The following LIMA1 variants were observed in gnomAD, a reference collection of about 807,000 sequenced individuals.
LIMA1 encodes the protein LIM domain and actin-binding protein 1.
LIMA1 carries 52 observed loss-of-function variants against 62.6 expected under a neutral mutation model. That is an observed-to-expected ratio of 0.83 (90% confidence interval 0.67 to 1.05). The LOEUF (loss-of-function observed/expected upper bound fraction) is 1.05. LIMA1 is among the 50% of genes least tolerant of loss of function. The probability of loss-of-function intolerance (pLI) is 0.00; values close to 1 mark genes in which losing one functional copy is unlikely to be tolerated. For synonymous variants in LIMA1, 302 were observed against 317.8 expected, an observed-to-expected ratio of 0.95 and a Z score of 0.53; for missense variants, 780 against 902.2, an observed-to-expected ratio of 0.86 and a Z score of 1.74.
At chr12:50,237,980 G>A (rs1248575437) in intron 2 of LIMA1, among the ~76,000 whole-genome samples, 1 of 152,192 alleles carries the variant, frequency 6.6e-6, no homozygotes, top group African/African-American at 2.4e-5. Context: ...AAAACTCTTG[G>A]TTGAAACATA....
chr12:50,252,100 C>T lies in LIMA1; in HGVS notation c.-23-3326G>A, dbSNP rs144043625. ...AGACAGAATGTGGTTAGAGGCTATGCGTGGTGTAGGAATACAAGACCTGAT... is the reference window on the plus strand; with the variant it reads ...AGACAGAATGTGGTTAGAGGCTATGTGTGGTGTAGGAATACAAGACCTGAT... On this transcript the variant is annotated intron_variant, in intron 1 of 10. Transcript: ENST00000341247. Among the ~76,000 whole-genome samples, 11 of 152,086 alleles carry T rather than the reference C, an allele frequency of 7.2e-5. No homozygotes were observed. The East Asian group carries it at 1.9e-3, about 27-fold the overall frequency.
chr12:50,249,288 G>A (rs572914636), intron 1 of LIMA1, among the ~76,000 whole-genome samples: 5 of 152,108 alleles, frequency 3.3e-5, no homozygotes, highest in South Asian at 4.1e-4. Flanking sequence ...GACAGACTTC[G>A]GGGAAATCCT....
In LIMA1 at chr12:50,176,888, GTTTT is replaced by G. The variant is rs1165729693; in HGVS notation, c.*172_*175del. The stretch of plus-strand genomic sequence containing the variant: ...AAGTTATCTCTAGTATTTAGAATGT[GTTTT>G]TTGTGTTTTTTTGTTTTGTTTTTGA... On this transcript the variant is annotated 3_prime_UTR_variant, in exon 11 of 11. Coordinates refer to ENST00000341247, the MANE Select transcript of LIMA1 (RefSeq NM_016357.5). 13 of 554,548 alleles carry G rather than the reference GTTTT, an allele frequency of 2.3e-5. No homozygotes were observed. Among genetic ancestry groups the G allele is most frequent in the Non-Finnish European group, 3.7e-5 (12 of 320,136 alleles). The allele number at this position is 554,548 out of a possible 1,614,324, so 34.4% of individuals were successfully genotyped here.
Position 50,177,912 on chromosome 12 carries a change from G to T in LIMA1, c.1432C>A (p.Pro478Thr). 1 of 1,614,028 alleles carries T rather than the reference G, an allele frequency of 6.2e-7. No individual in the cohort carries two copies. The highest frequency in any genetic ancestry group is 8.5e-7 in the Non-Finnish European group (1 of 1,180,000). Residue 478 changes from proline (P) to threonine (T), a missense_variant, in exon 11 of 11, where the codon CCA (proline) becomes ACA (threonine). Transcript: ENST00000341247. ...TCCCTTGCATTTGCAAGCTGGGCTG[G>T]TCTCTCCAAAATCTCTTCGTTTTCA... is the stretch of plus-strand genomic sequence containing the variant. ...KNENEEILERPAQLANARETP... is the reference protein window; with the variant it reads ...KNENEEILERTAQLANARETP...
intron 8 of LIMA1, among the ~76,000 whole-genome samples, chr12:50,194,301 A>G (rs1022149654): frequency 3.2e-5 from 4 of 124,458 alleles, no homozygotes; most frequent in African/African-American, 1.3e-4. Flanking sequence ...CAACATATAT[A>G]TATATTTTGT....
intron 7 of LIMA1, among the ~76,000 whole-genome samples, chr12:50,197,663 G>C (rs1173042282): frequency 6.6e-6 from 1 of 152,136 alleles, no homozygotes; most frequent in Non-Finnish European, 1.5e-5. Context: ...AAATCAGCAT[G>C]AAGACAATGA....
chr12:50,253,692 C>A (rs1404597732), intron 1 of LIMA1, among the ~76,000 whole-genome samples: 2 of 152,040 alleles, frequency 1.3e-5, no homozygotes, highest in Non-Finnish European at 2.9e-5. Flanking sequence ...CTTGGAATAC[C>A]CTCCATTGTA....
intron 1 of LIMA1, among the ~76,000 whole-genome samples, chr12:50,268,978 C>T (rs184078066): frequency 1.6e-3 from 245 of 152,242 alleles, no homozygotes; most frequent in Middle Eastern, 6.8e-3. Context: ...AAAGGCTGGG[C>T]CAGATGCCCC....
intron 1 of LIMA1, among the ~76,000 whole-genome samples, chr12:50,271,347 T>C (rs1942209453): frequency 6.6e-6 from 1 of 152,146 alleles, no homozygotes; most frequent in Admixed American, 6.5e-5. Context: ...CTAATCTTTT[T>C]TTTTTCCCTT....
chr12:50,278,851 C>T (rs1942304747), intron 1 of LIMA1, among the ~76,000 whole-genome samples: 1 of 151,880 alleles, frequency 6.6e-6, no homozygotes, highest in Non-Finnish European at 1.5e-5. Flanking sequence ...AGTTCAATTA[C>T]CTTTGTGTTT....
chr12:50,198,748 C>T (rs953458276), intron 7 of LIMA1, among the ~76,000 whole-genome samples: 4 of 152,028 alleles, frequency 2.6e-5, no homozygotes, highest in African/African-American at 7.3e-5. Flanking sequence ...ATTTAACATT[C>T]GATTATCATA....
intron 3 of LIMA1, among the ~76,000 whole-genome samples, chr12:50,226,650 C>T (rs561101895): frequency 1.3e-5 from 2 of 152,214 alleles, no homozygotes; most frequent in South Asian, 4.2e-4. Context: ...ACCATCCTGG[C>T]CAACATGGTG....
rs1565848543 is a variant in LIMA1, at chr12:50,224,895, C to CTTT, written c.166-2411_166-2410insAAA. ...TACAGGTGTATGTCAGCATGCCTGG[C>CTTT]ATTTTTTTTTTTTTTTTTTTTTTTG... is the stretch of plus-strand genomic sequence containing the variant. On this transcript the variant is annotated intron_variant, in intron 3 of 10. Coordinates refer to ENST00000341247, the MANE Select transcript of LIMA1 (RefSeq NM_016357.5). Among the ~76,000 whole-genome samples the CTTT allele has an allele frequency of 1.4e-5, 2 of 142,704 alleles. 1 individual carries two copies. Among genetic ancestry groups the CTTT allele is most frequent in the African/African-American group, 5.4e-5 (2 of 37,328 alleles). 93.6% of individuals were successfully genotyped at this position (142,704 alleles called of 152,430 possible).
chr12:50,216,740 T>G (rs1229811740), intron 4 of LIMA1, among the ~76,000 whole-genome samples: 2 of 152,062 alleles, frequency 1.3e-5, no homozygotes, highest in Non-Finnish European at 2.9e-5. Flanking sequence ...AGCGGACACC[T>G]GTAATCCCAG....
Position 50,282,154 on chromosome 12 carries a change from T to C in LIMA1, c.-24+1266A>G, listed in dbSNP as rs1592578171. Among the ~76,000 whole-genome samples, 2 of 152,312 alleles carry C rather than the reference T, an allele frequency of 1.3e-5. 1 individual carries two copies. Among genetic ancestry groups the C allele is most frequent in the Admixed American group, 1.3e-4 (2 of 15,292 alleles). On this transcript the variant is annotated intron_variant, in intron 1 of 10. Transcript: ENST00000341247. ...CCAACTCTATAATTTTTTGAAGATC[T>C]ATCTAAAACGTGATCATCCTGCACC... is the stretch of plus-strand genomic sequence containing the variant.
In LIMA1 at chr12:50,241,933, A is replaced by ATTTTTTTTTTTTTTTTTTTTTTTTTTTT. The variant is rs577308413; in HGVS notation, c.119+6672_119+6699dup. Among the ~76,000 whole-genome samples, 4 of 36,434 alleles carry ATTTTTTTTTTTTTTTTTTTTTTTTTTTT rather than the reference A, an allele frequency of 1.1e-4. 1 individual carries two copies. The highest frequency in any genetic ancestry group is 2.0e-4 in the African/African-American group (2 of 10,214). 23.9% of individuals were successfully genotyped at this position (36,434 alleles called of 152,430 possible). A position where few individuals can be genotyped will look rare whatever the true frequency, so the allele number is the denominator to read the frequency against. ...AATTTTGTTCCTCTTTCCTTCCCAG[A>ATTTTTTTTTTTTTTTTTTTTTTTTTTTT]TTTTTTTTTTTTTTTTTTTTTTTTT... is the stretch of plus-strand genomic sequence containing the variant. On this transcript the variant is annotated intron_variant, in intron 2 of 10. Coordinates refer to ENST00000341247, the MANE Select transcript of LIMA1 (RefSeq NM_016357.5).
chr12:50,220,804 AAG>A (rs1941427921), intron 4 of LIMA1, among the ~76,000 whole-genome samples: 1 of 152,266 alleles, frequency 6.6e-6, no homozygotes, highest in African/African-American at 2.4e-5. Flanking sequence ...CTTGAGAGGG[AAG>A]AGAGTTAAGA....
chr12:50,247,829 A>G (rs1941873022), intron 2 of LIMA1, among the ~76,000 whole-genome samples: 1 of 151,976 alleles, frequency 6.6e-6, no homozygotes, highest in Non-Finnish European at 1.5e-5. Flanking sequence ...GGGTTTCACC[A>G]TGTTGGCCAG....
At chr12:50,276,165 C>CA (rs1397671678) in intron 1 of LIMA1, among the ~76,000 whole-genome samples, 1 of 151,840 alleles carries the variant, frequency 6.6e-6, no homozygotes, top group African/African-American at 2.4e-5. Flanking sequence ...AGGACTCTGG[C>CA]AAAAAACTAA....
Sources: gnomAD v4.1 joint callset for allele counts (sites outside exome capture counted in the v4.1 genomes callset) on GRCh38, gnomAD v4.1.1 for gene constraint, MANE v1.5 for transcripts, NCBI Gene and HGNC (gene_info 2026-07-23, HGNC 2026-07-21) for gene names.